Variants in KCNIP4 observed in about 807,000 individuals in gnomAD.
KCNIP4 encodes the protein potassium voltage-gated channel interacting protein 4.
KCNIP4 carries 12 observed loss-of-function variants against 34.0 expected under a neutral mutation model. That is an observed-to-expected ratio of 0.35 (90% CI 0.23 to 0.57). The LOEUF (loss-of-function observed/expected upper bound fraction) is 0.57. Ranked by LOEUF, KCNIP4 falls within the 20% of genes least tolerant of loss-of-function variation. The probability of loss-of-function intolerance (pLI) is 0.83; values close to 1 mark genes in which losing one functional copy is unlikely to be tolerated. For missense variants in KCNIP4, 238 were observed against 311.7 expected, an observed-to-expected ratio of 0.76 and a Z score of 1.78; for synonymous variants, 124 against 102.2, an observed-to-expected ratio of 1.21 and a Z score of -1.29.
At chr4:21,304,714 C>T (rs533938549) in intron 1 of KCNIP4, 1 of 152,280 alleles carries the variant, frequency 6.6e-6, no homozygotes, top group South Asian at 2.1e-4. Context: ...TCCCATGAGT[C>T]ACCTTATCCG....
intron 1 of KCNIP4, chr4:21,852,194 A>C (rs1480345684): frequency 3.7e-5 from 5 of 133,868 alleles, no homozygotes; most frequent in African/African-American, 1.2e-4. Flanking sequence ...ACTAAAGTCC[A>C]GAGAGTCTGT....
At chr4:21,599,643 C>T (rs1011556045) in intron 1 of KCNIP4, among the ~76,000 whole-genome samples, 1 of 152,062 alleles carries the variant, frequency 6.6e-6, no homozygotes, top group Non-Finnish European at 1.5e-5. Flanking sequence ...GTTGCTTCTA[C>T]TACAAAGTGA....
intron 1 of KCNIP4, among the ~76,000 whole-genome samples, chr4:21,560,944 T>G (rs765810741): frequency 2.6e-5 from 4 of 152,076 alleles, no homozygotes; most frequent in African/African-American, 4.8e-5. Context: ...TAGATTGTAC[T>G]GCAGAATTAA....
In KCNIP4 at chr4:21,902,587, C is replaced by A. The variant is rs561389268; in HGVS notation, c.61+45984G>T. On this transcript the variant is annotated intron_variant, in intron 1 of 8. Transcript: ENST00000382152. ...ATTATAGAGTGAAAGGAAAAACTTTCAGGTCAAGGAAATTGCAAGTGAGAG... is the reference window on the plus strand; with the variant it reads ...ATTATAGAGTGAAAGGAAAAACTTTAAGGTCAAGGAAATTGCAAGTGAGAG... 1.1e-4 allele frequency among the ~76,000 whole-genome samples: 16 copies of A among 152,086 alleles called. No homozygotes were observed. In the South Asian group the frequency reaches 3.3e-3, roughly 32 times the overall value.
At chr4:21,608,609 C>T (rs536801552) in intron 1 of KCNIP4, among the ~76,000 whole-genome samples, 98 of 152,234 alleles carry the variant, frequency 6.4e-4, no homozygotes, top group African/African-American at 2.1e-3. Context: ...CTCCCCATAT[C>T]GAGGTCCATA....
intron 1 of KCNIP4, among the ~76,000 whole-genome samples, chr4:21,027,934 T>C (rs1161742481): frequency 6.6e-6 from 1 of 152,130 alleles, no homozygotes; most frequent in Non-Finnish European, 1.5e-5. Flanking sequence ...TCCAGACAAA[T>C]AATTAATTAC....
chr4:21,603,312 T>TA (rs1743362092), intron 1 of KCNIP4, among the ~76,000 whole-genome samples: 1 of 152,110 alleles, frequency 6.6e-6, no homozygotes, highest in Non-Finnish European at 1.5e-5. Context: ...TAGAGATCAC[T>TA]AAAATTTATT....
chr4:20,730,964 A>T (rs1747984500), intron 8 of KCNIP4, among the ~76,000 whole-genome samples: 1 of 152,220 alleles, frequency 6.6e-6, no homozygotes, highest in Non-Finnish European at 1.5e-5. Flanking sequence ...CTGCATGGAA[A>T]TCCAAGTTGA....
intron 1 of KCNIP4, among the ~76,000 whole-genome samples, chr4:21,353,837 A>G (rs1268443454): frequency 6.6e-6 from 1 of 152,164 alleles, no homozygotes; most frequent in African/African-American, 2.4e-5. Flanking sequence ...ACCCCAAGAC[A>G]CACAATTATC....
chr4:20,995,740 G>A (rs1418300364), intron 1 of KCNIP4, among the ~76,000 whole-genome samples: 2 of 152,170 alleles, frequency 1.3e-5, no homozygotes, highest in East Asian at 1.9e-4. Context: ...CTTTATCTGA[G>A]GACTTTGACC....
At chr4:20,932,859 A>T (rs76415597) in intron 1 of KCNIP4, among the ~76,000 whole-genome samples, 8,176 of 152,208 alleles carry the variant, frequency 0.054, 485 homozygotes, top group African/African-American at 0.16. Flanking sequence ...TATATGACAA[A>T]ATGAAGGGTT....
intron 1 of KCNIP4, among the ~76,000 whole-genome samples, chr4:21,788,978 CAGA>C (rs1720091390): frequency 6.9e-6 from 1 of 145,664 alleles, no homozygotes. Context: ...GAGGCTGAGG[CAGA>C]AGGATTGCTT....
intron 1 of KCNIP4, among the ~76,000 whole-genome samples, chr4:21,622,458 C>T (rs549272758): frequency 2.1e-4 from 32 of 152,066 alleles, no homozygotes; most frequent in African/African-American, 7.5e-4. Flanking sequence ...TCTCTTATTC[C>T]CCAGAGTATT....
At chr4:21,635,807 A>G (rs1443159674) in intron 1 of KCNIP4, among the ~76,000 whole-genome samples, 1 of 152,104 alleles carries the variant, frequency 6.6e-6, no homozygotes, top group Non-Finnish European at 1.5e-5. Flanking sequence ...CCAAAGGACT[A>G]TAAATCATGC....
intron 1 of KCNIP4, among the ~76,000 whole-genome samples, chr4:21,556,930 A>AAAAAAAAACAAAACAAAAC (rs71191520): frequency 1.8e-5 from 2 of 108,194 alleles, no homozygotes; most frequent in Non-Finnish European, 4.0e-5. Context: ...CAGAAAAAAA[A>AAAAAAAAACAAAACAAAAC]AAAAAAAAAA....
intron 1 of KCNIP4, among the ~76,000 whole-genome samples, chr4:20,887,846 C>CATTAT (rs1725486549): frequency 6.6e-6 from 1 of 151,976 alleles, no homozygotes; most frequent in Non-Finnish European, 1.5e-5. Flanking sequence ...ATATATTATC[C>CATTAT]TGTTTTCCTT....
intron 1 of KCNIP4, among the ~76,000 whole-genome samples, chr4:21,513,253 T>C (rs181697987): frequency 6.6e-6 from 1 of 152,220 alleles, no homozygotes; most frequent in African/African-American, 2.4e-5. Context: ...TACCTCCACA[T>C]GTGGCTTGGG....
At chr4:21,778,966 T>A (rs1719386434) in intron 1 of KCNIP4, among the ~76,000 whole-genome samples, 1 of 151,972 alleles carries the variant, frequency 6.6e-6, no homozygotes, top group Non-Finnish European at 1.5e-5. Flanking sequence ...CTGTGAGCTT[T>A]TAAAGTATGG....
At chr4:20,779,053 AG>A (rs2149389151) in intron 3 of KCNIP4, among the ~76,000 whole-genome samples, 1 of 152,294 alleles carries the variant, frequency 6.6e-6, no homozygotes, top group Admixed American at 6.5e-5. Context: ...AAGATATCAT[AG>A]GAAGTGGGAT....
Sources: gnomAD v4.1 joint callset for allele counts (sites outside exome capture counted in the v4.1 genomes callset) on GRCh38, gnomAD v4.1.1 for gene constraint, MANE v1.5 for transcripts, NCBI Gene and HGNC (gene_info 2026-07-23, HGNC 2026-07-21) for gene names.